The following ZFP30 variants were observed in gnomAD, a reference collection of about 807,000 sequenced individuals.
The protein encoded by ZFP30 is ZFP30 zinc finger protein.
Under a neutral mutation model 12.3 loss-of-function variants are expected in ZFP30, and 16 were observed. The observed-to-expected ratio is 1.30, with a 90% confidence interval of 0.88 to 1.98. The LOEUF (loss-of-function observed/expected upper bound fraction) is 1.98, where lower values mean the gene tolerates loss of function less well. Among genes scored for constraint, ZFP30 ranks in the 30% most tolerant of loss-of-function variants. The pLI, the probability that ZFP30 is intolerant of heterozygous loss-of-function variation, is 0.00. For missense variants in ZFP30, 560 were observed against 611.2 expected (o/e 0.92, Z 0.88); for synonymous variants, 172 against 201.0 (o/e 0.86, Z 1.22).
At position 37,632,666 on chromosome 19, in the gene ZFP30, TACTTA is replaced by T. The variant is rs1251116843; in HGVS notation, c.*2310_*2314del. ...ATGTACTCAATATGAAAAATTGAGA[TACTTA>T]ACTTTTTTAAAATAACTAAGTCTTC... On this transcript the variant is annotated 3_prime_UTR_variant, in exon 6 of 6. Transcript: ENST00000684514. 1 of 152,218 alleles carries T rather than the reference TACTTA, an allele frequency of 6.6e-6. No homozygotes were observed. The highest frequency in any genetic ancestry group is 1.5e-5 in the Non-Finnish European group (1 of 68,042). 9.4% of individuals were successfully genotyped at this position (152,218 alleles called of 1,614,324 possible). A position where few individuals can be genotyped will look rare whatever the true frequency, so the allele number is the denominator to read the frequency against.
At chr19:37,643,420 A>C in intron 4 of ZFP30, 57 bp from the exon 5 acceptor site, 2 of 1,278,880 alleles carry the variant, frequency 1.6e-6, no homozygotes, top group African/African-American at 1.5e-5. Flanking sequence ...CAAAACAAAG[A>C]AGACTATCAG....
intron 5 of ZFP30, among the ~76,000 whole-genome samples, chr19:37,641,967 G>A (rs1231213116): frequency 6.6e-6 from 1 of 152,146 alleles, no homozygotes; most frequent in East Asian, 1.9e-4. Flanking sequence ...CCCGTAAGTT[G>A]GCAATTGGCT....
chr19:37,652,845 C>A (rs1409185410), intron 2 of ZFP30, among the ~76,000 whole-genome samples: 1 of 151,964 alleles, frequency 6.6e-6, no homozygotes, highest in Non-Finnish European at 1.5e-5. Flanking sequence ...GGGCCAGGTG[C>A]GGTGGCTCAC....
intron 5 of ZFP30, among the ~76,000 whole-genome samples, chr19:37,639,947 C>T (rs1057330639): frequency 1.6e-4 from 25 of 152,154 alleles, no homozygotes; most frequent in African/African-American, 5.1e-4. Context: ...CTGAGCTGTA[C>T]GCTACCAAAT....
rs1204793730 is a variant in ZFP30 at position 37,655,421 on chromosome 19, C to G, written c.-247G>C. The G allele has an allele frequency of 6.6e-6, 1 of 152,566 alleles. No homozygotes were observed. The highest frequency in any genetic ancestry group is 1.9e-4 in the East Asian group (1 of 5,210). 9.5% of individuals were successfully genotyped at this position (152,566 alleles called of 1,614,324 possible). A position where few individuals can be genotyped will look rare whatever the true frequency, so the allele number is the denominator to read the frequency against. On this transcript the variant is annotated splice_region_variant and 5_prime_UTR_variant, in exon 1 of 6. Transcript: ENST00000684514. Reference sequence around the variant, plus strand: ...CCCGGCTCCCAGCCCCAGCCTCACCCGACTCAGAGGATAGCCCAGCCCTGG... The same window carrying G: ...CCCGGCTCCCAGCCCCAGCCTCACCGGACTCAGAGGATAGCCCAGCCCTGG...
chr19:37,642,255 GCTT>G (rs887550670), intron 5 of ZFP30, among the ~76,000 whole-genome samples: 4 of 152,170 alleles, frequency 2.6e-5, no homozygotes, highest in Middle Eastern at 3.4e-3. Context: ...CAGGATAAAT[GCTT>G]CTTTTCCTTT....
In ZFP30 at chr19:37,634,948, A is replaced by G; in HGVS notation, c.*33T>C. 2 of 1,506,390 alleles carry G rather than the reference A, an allele frequency of 1.3e-6. No homozygotes were observed. The highest frequency in any genetic ancestry group is 1.4e-5 in the South Asian group (1 of 72,046). 93.3% of individuals were successfully genotyped at this position (1,506,390 alleles called of 1,614,324 possible). A position where few individuals can be genotyped will look rare whatever the true frequency, so the allele number is the denominator to read the frequency against. On this transcript the variant is annotated 3_prime_UTR_variant, in exon 6 of 6. Coordinates refer to ENST00000684514, the MANE Select transcript of ZFP30 (RefSeq NM_001320669.3). Reference sequence around the variant, plus strand: ...CTAGAATGTACTTCCTATGCTCAACATAAAATTCGCAAAGGAAGAGTTCTA... The same window carrying G: ...CTAGAATGTACTTCCTATGCTCAACGTAAAATTCGCAAAGGAAGAGTTCTA...
chr19:37,643,052 C>CA (rs951396776), intron 5 of ZFP30, among the ~76,000 whole-genome samples: 17,141 of 59,904 alleles, frequency 0.29, 1,667 homozygotes, highest in Middle Eastern at 0.36. Flanking sequence ...GACTCCGTCT[C>CA]AAAAAAAAAA....
At chr19:37,654,675 T>C (rs2044716488) in intron 2 of ZFP30, 37 bp downstream of exon 2, 1 of 152,196 alleles carries the variant, frequency 6.6e-6, no homozygotes. Context: ...GGAACTCGAA[T>C]GCATTTCACA....
At chr19:37,655,850 T>G (rs971689262), upstream of ZFP30, 2 of 152,060 alleles carry the variant, frequency 1.3e-5, no homozygotes, top group Non-Finnish European at 2.9e-5. Flanking sequence ...CTGCCTCGAG[T>G]GCGCAAGCGC....
chr19:37,631,295 T>TA lies in ZFP30; in HGVS notation c.*3685dup, dbSNP rs1482710476. ...ATACATTAAGTTAAATAAAATCAAT[T>TA]AAACTCTCATTACTTCATTATTTGG... On this transcript the variant is annotated 3_prime_UTR_variant, in exon 6 of 6. Coordinates refer to ENST00000684514, the MANE Select transcript of ZFP30 (RefSeq NM_001320669.3). 1 of 152,226 alleles carries TA rather than the reference T, an allele frequency of 6.6e-6. No homozygotes were observed. The highest frequency in any genetic ancestry group is 1.5e-5 in the Non-Finnish European group (1 of 68,032). 9.4% of individuals were successfully genotyped at this position (152,226 alleles called of 1,614,324 possible).
rs1367212162 is a variant in ZFP30 at position 37,635,229 on chromosome 19, A to C, written c.1312T>G (p.Phe438Val). 3 of 1,614,072 alleles carry C rather than the reference A, an allele frequency of 1.9e-6. No homozygotes were observed. The highest frequency in any genetic ancestry group is 1.7e-6 in the Non-Finnish European group (2 of 1,179,948). Residue 438 changes from phenylalanine to valine, a missense_variant, in exon 6 of 6, where the codon TTT becomes GTT. By Grantham distance (50) the Phe-to-Val change is conservative. Transcript: ENST00000684514. ...GTCTTCTCACATTCCTTACACTTAA[A>C]GGGTTTCTCACCAAAATGAATACTC... is the stretch of plus-strand genomic sequence containing the variant. ...HQSIHFGEKP[F>V]KCKECEKTFR...
Position 37,632,482 on chromosome 19 carries a change from A to C in ZFP30, c.*2499T>G, listed in dbSNP as rs2147247010. On this transcript the variant is annotated 3_prime_UTR_variant, in exon 6 of 6. Transcript: ENST00000684514. ...GGTATCTTTTAAAGAAACACACACAAAAAAACCAAGTCTACTTTTTATTGT... is the reference window on the plus strand; with the variant it reads ...GGTATCTTTTAAAGAAACACACACACAAAAACCAAGTCTACTTTTTATTGT... 1 of 152,294 alleles carries C rather than the reference A, an allele frequency of 6.6e-6. No individual in the cohort carries two copies. The highest frequency in any genetic ancestry group is 2.4e-5 in the African/African-American group (1 of 41,568). 9.4% of individuals were successfully genotyped at this position (152,294 alleles called of 1,614,324 possible).
chr19:37,635,668 C>T lies in ZFP30; in HGVS notation c.873G>A (p.Leu291=). ...ACTCATAGCACTTCTCAGCAATGTT[C>T]AGTCTCTGATGTCGAGTAAGGTGTG... is the stretch of plus-strand genomic sequence containing the variant. ...QYAHLTRHQR[L]NIAEKCYECK... The change falls in exon 6 of 6, where the codon CTG becomes CTA. Residue 291 remains leucine (L), a synonymous_variant. Transcript: ENST00000684514. The T allele has an allele frequency of 1.2e-6, 2 of 1,613,964 alleles. No homozygotes were observed. The highest frequency in any genetic ancestry group is 1.7e-6 in the Non-Finnish European group (2 of 1,179,984).
rs572454476 is a variant in ZFP30, at chr19:37,632,803, A to G, written c.*2178T>C. On this transcript the variant is annotated 3_prime_UTR_variant, in exon 6 of 6. Transcript: ENST00000684514. ...TCAACAGGTTGCTAGTGACTACCAT[A>G]TATTAGTACAGGTCTAGTCCATTAT... The G allele has an allele frequency of 1.3e-5, 2 of 152,222 alleles. No individual in the cohort carries two copies. Among genetic ancestry groups the G allele is most frequent in the Non-Finnish European group, 2.9e-5 (2 of 68,044 alleles). 9.4% of individuals were successfully genotyped at this position (152,222 alleles called of 1,614,324 possible).
At chr19:37,647,214 A>T (rs770157682) in intron 3 of ZFP30, among the ~76,000 whole-genome samples, 7 of 152,188 alleles carry the variant, frequency 4.6e-5, no homozygotes, top group Non-Finnish European at 7.3e-5. Flanking sequence ...CTAGACAGAT[A>T]AGGAGCACAC....
At chr19:37,651,732 G>A (rs1286205100) in intron 2 of ZFP30, among the ~76,000 whole-genome samples, 1 of 152,110 alleles carries the variant, frequency 6.6e-6, no homozygotes, top group Non-Finnish European at 1.5e-5. Context: ...ATGACTCTGA[G>A]GTGAAAAGTT....
intron 2 of ZFP30, among the ~76,000 whole-genome samples, chr19:37,650,180 C>T (rs763013333): frequency 2.0e-5 from 3 of 151,398 alleles, no homozygotes; most frequent in Non-Finnish European, 4.4e-5. Flanking sequence ...AGTGCAATCT[C>T]GGATCTCAGC....
intron 4 of ZFP30, among the ~76,000 whole-genome samples, chr19:37,644,156 A>G (rs1466701073): frequency 2.6e-5 from 4 of 152,232 alleles, no homozygotes; most frequent in South Asian, 2.1e-4. Flanking sequence ...GAAGAAAAAT[A>G]TAACGGTCAC....
Sources: gnomAD v4.1 joint callset for allele counts (sites outside exome capture counted in the v4.1 genomes callset) on GRCh38, gnomAD v4.1.1 for gene constraint, MANE v1.5 for transcripts, NCBI Gene and HGNC (gene_info 2026-07-23, HGNC 2026-07-21) for gene names.